Variants in EPHA3 observed in about 807,000 individuals in gnomAD.
EPHA3 encodes EPH receptor A3, also known as ephrin type-A receptor 3.
EPHA3 carries 42 observed loss-of-function variants against 107.1 expected under a neutral mutation model. The ratio of observed to expected loss-of-function variants is 0.39; its 90% CI spans 0.31 to 0.51. The LOEUF is 0.51. Ranked by LOEUF, EPHA3 falls within the 20% of genes least tolerant of loss-of-function variation. The probability of loss-of-function intolerance (pLI) is 0.78; values close to 1 mark genes in which losing one functional copy is unlikely to be tolerated. For missense variants in EPHA3, 1,183 were observed against 1,211.2 expected (o/e 0.98, Z 0.35); for synonymous variants, 461 against 424.8 (o/e 1.09, Z -1.05).
chr3:89,192,186 G>T (rs73146327), intron 2 of EPHA3, among the ~76,000 whole-genome samples: 1 of 152,058 alleles, frequency 6.6e-6, no homozygotes, highest in Admixed American at 6.5e-5. Context: ...TAAGGATTTG[G>T]CAAACCCAGT....
chr3:89,427,570 T>C (rs1323639778), intron 11 of EPHA3, among the ~76,000 whole-genome samples: 1 of 152,080 alleles, frequency 6.6e-6, no homozygotes, highest in African/African-American at 2.4e-5. Flanking sequence ...TTTTCCTTCC[T>C]GTAAAATGCT....
chr3:89,383,761 GC>G (rs1708558851), intron 5 of EPHA3, among the ~76,000 whole-genome samples: 1 of 145,574 alleles, frequency 6.9e-6, no homozygotes, highest in South Asian at 2.2e-4. Context: ...TCATTCTCCT[GC>G]CTCAGCCTCC....
At chr3:89,337,639 C>G (rs1388867045) in intron 3 of EPHA3, among the ~76,000 whole-genome samples, 2 of 152,148 alleles carry the variant, frequency 1.3e-5, no homozygotes, top group Non-Finnish European at 2.9e-5. Context: ...AATGTCTGTC[C>G]CTAAACTGTG....
intron 13 of EPHA3, among the ~76,000 whole-genome samples, chr3:89,434,592 G>A (rs1241191863): frequency 1.3e-5 from 2 of 152,108 alleles, no homozygotes; most frequent in Non-Finnish European, 2.9e-5. Context: ...CAAAAGAATA[G>A]TTTCTCTGGC....
chr3:89,207,595 C>A (rs139868554), intron 2 of EPHA3, among the ~76,000 whole-genome samples: 2 of 145,848 alleles, frequency 1.4e-5, no homozygotes, highest in Non-Finnish European at 3.1e-5. Context: ...ATAGAAAAAA[C>A]TGTTAATGCA....
intron 3 of EPHA3, among the ~76,000 whole-genome samples, chr3:89,280,299 T>C (rs894776787): frequency 6.6e-6 from 1 of 152,148 alleles, no homozygotes; most frequent in African/African-American, 2.4e-5. Flanking sequence ...TGAGTAGGTA[T>C]AGACAGTCTG....
Position 89,346,327 on chromosome 3 carries a change from G to A in EPHA3, c.1306+4237G>A, listed in dbSNP as rs1707652309. ...TTGCCATTCTAACTGGTGTGAGATG[G>A]TATCTCATAGTGGTTTTGATTTGCA... On this transcript the variant is annotated intron_variant, in intron 5 of 16. Transcript: ENST00000336596. Among the ~76,000 whole-genome samples, 3 of 134,748 alleles carry A rather than the reference G, an allele frequency of 2.2e-5. 1 individual carries two copies. Among genetic ancestry groups the A allele is most frequent in the Non-Finnish European group, 3.3e-5 (2 of 61,510 alleles). 88.4% of individuals were successfully genotyped at this position (134,748 alleles called of 152,430 possible). A position where few individuals can be genotyped will look rare whatever the true frequency, so the allele number is the denominator to read the frequency against.
intron 3 of EPHA3, among the ~76,000 whole-genome samples, chr3:89,257,929 C>T (rs1378394000): frequency 1.3e-5 from 2 of 152,064 alleles, no homozygotes; most frequent in South Asian, 2.1e-4. Flanking sequence ...AGAATATTCA[C>T]GTGAACTCTG....
intron 1 of EPHA3, among the ~76,000 whole-genome samples, chr3:89,119,075 A>T (rs1417913628): frequency 6.6e-6 from 1 of 152,072 alleles, no homozygotes; most frequent in African/African-American, 2.4e-5. Context: ...TTTATTTTTA[A>T]CTGCATGTAA....
intron 2 of EPHA3, among the ~76,000 whole-genome samples, chr3:89,156,778 C>A (rs1704816846): frequency 1.3e-5 from 2 of 151,884 alleles, no homozygotes; most frequent in African/African-American, 4.8e-5. Flanking sequence ...AAAACGAGAC[C>A]ATGAAAGTGC....
chr3:89,380,867 C>G (rs1708489514), intron 5 of EPHA3, among the ~76,000 whole-genome samples: 1 of 151,650 alleles, frequency 6.6e-6, no homozygotes, highest in South Asian at 2.1e-4. Flanking sequence ...CTCCTGGGTT[C>G]AAGCAATTCG....
Position 89,431,325 on chromosome 3 carries a change from T to C in EPHA3, c.2312T>C (p.Leu771Pro). 6.2e-7 allele frequency: 1 copy of C among 1,613,760 alleles called. No homozygotes were observed. Among genetic ancestry groups the C allele is most frequent in the Non-Finnish European group, 8.5e-7 (1 of 1,179,920 alleles). Residue 771 changes from leucine to proline, a missense_variant, in exon 13 of 17, where the codon CTG becomes CCG. By Grantham distance (98) the Leu-to-Pro change is moderately conservative (BLOSUM62 -3). Transcript: ENST00000336596. ...KVSDFGLSRV[L>P]EDDPEAAYTT... Reference sequence around the variant, plus strand: ...TCTGATTTCGGACTTTCGCGTGTCCTGGAGGATGACCCAGAAGCTGCTTAT... The same window carrying C: ...TCTGATTTCGGACTTTCGCGTGTCCCGGAGGATGACCCAGAAGCTGCTTAT...
intron 2 of EPHA3, among the ~76,000 whole-genome samples, chr3:89,178,606 T>C (rs1186677373): frequency 1.3e-5 from 2 of 152,010 alleles, no homozygotes. Flanking sequence ...AGATATTGTT[T>C]AGATGTTTTA....
chr3:89,271,492 C>A lies in EPHA3; in HGVS notation c.814+60972C>A, dbSNP rs116107368. ...CCTGCAGCAACTTGGCTTTCTCTCA[C>A]CTTTAGTGTTCTTGAAACTGATCAT... On this transcript the variant is annotated intron_variant, in intron 3 of 16. Coordinates refer to ENST00000336596, the MANE Select transcript of EPHA3 (RefSeq NM_005233.6). Among the ~76,000 whole-genome samples the A allele has an allele frequency of 5.3e-3, 808 of 151,940 alleles. 7 individuals carry two copies. Among genetic ancestry groups the A allele is most frequent in the African/African-American group, 0.018 (759 of 41,488 alleles).
chr3:89,467,016 A>G (rs1268234895), intron 15 of EPHA3, among the ~76,000 whole-genome samples: 1 of 152,164 alleles, frequency 6.6e-6, no homozygotes, highest in Non-Finnish European at 1.5e-5. Flanking sequence ...TGTGTCATTT[A>G]TGTACTAGGT....
intron 5 of EPHA3, among the ~76,000 whole-genome samples, chr3:89,394,905 C>T (rs1263997469): frequency 4.6e-5 from 7 of 152,242 alleles, no homozygotes; most frequent in South Asian, 2.1e-4. Context: ...TGAGACATTT[C>T]GATTGGCGAG....
intron 3 of EPHA3, among the ~76,000 whole-genome samples, chr3:89,262,757 G>C (rs1270408768): frequency 1.3e-5 from 2 of 152,082 alleles, no homozygotes; most frequent in Admixed American, 1.3e-4. Context: ...CCGGCTGGCT[G>C]TTTCGGTGCC....
At chr3:89,261,757 C>G (rs1705422171) in intron 3 of EPHA3, among the ~76,000 whole-genome samples, 1 of 151,840 alleles carries the variant, frequency 6.6e-6, no homozygotes, top group Non-Finnish European at 1.5e-5. Flanking sequence ...CTTAACATTG[C>G]TCTTTGAAAG....
At chr3:89,235,698 T>C (rs1259125692) in intron 3 of EPHA3, among the ~76,000 whole-genome samples, 2 of 151,980 alleles carry the variant, frequency 1.3e-5, no homozygotes, top group Non-Finnish European at 2.9e-5. Context: ...ACTACCCTAT[T>C]TTTTCATATG....
Sources: gnomAD v4.1 joint callset for allele counts (sites outside exome capture counted in the v4.1 genomes callset) on GRCh38, gnomAD v4.1.1 for gene constraint, MANE v1.5 for transcripts, NCBI Gene and HGNC (gene_info 2026-07-23, HGNC 2026-07-21) for gene names.